Variants in MOB3B observed in about 807,000 individuals in gnomAD.
MOB3B encodes MOB kinase activator 3B.
Under a neutral mutation model 18.7 loss-of-function variants are expected in MOB3B, and 7 were observed. The observed-to-expected ratio is 0.37, with a 90% confidence interval of 0.21 to 0.70. MOB3B has a LOEUF of 0.70. Among genes scored for constraint, MOB3B ranks in the 30% least tolerant of loss-of-function variants. The pLI, the probability that MOB3B is intolerant of heterozygous loss-of-function variation, is 0.52. For missense variants in MOB3B, 253 were observed against 281.3 expected (o/e 0.90, Z 0.72); for synonymous variants, 111 against 99.9 (o/e 1.11, Z -0.66).
chr9:27,427,297 G>A (rs1049626974), intron 2 of MOB3B, among the ~76,000 whole-genome samples: 4 of 152,224 alleles, frequency 2.6e-5, no homozygotes, highest in Non-Finnish European at 5.9e-5. Flanking sequence ...AAATGTGCAA[G>A]CATTCCCAAA....
Position 27,427,317 on chromosome 9 carries a change from G to T in MOB3B, c.418+27816C>A, listed in dbSNP as rs571972903. ...TGCAAGCATTCCCAAAGAGCATCTGGTTACCTCCAAGGGAAAAAGAAATGC... is the reference window on the plus strand; with the variant it reads ...TGCAAGCATTCCCAAAGAGCATCTGTTTACCTCCAAGGGAAAAAGAAATGC... On this transcript the variant is annotated intron_variant, in intron 2 of 3. Transcript: ENST00000262244. 7.9e-5 allele frequency among the ~76,000 whole-genome samples: 12 copies of T among 152,308 alleles called. No individual in the cohort carries two copies. The South Asian group carries it at 1.4e-3, about 18-fold the overall frequency.
In MOB3B at chr9:27,513,167, TG is replaced by T. The variant is rs1399566296; in HGVS notation, c.-199+16387del. On this transcript the variant is annotated intron_variant, in intron 1 of 3. Coordinates refer to ENST00000262244, the MANE Select transcript of MOB3B (RefSeq NM_024761.5). ...TCAAATACATTATCAATGGTACTTC[TG>T]GAAAACTGCCTTTGGTGATCACAGA... Among the ~76,000 whole-genome samples, 8 of 152,358 alleles carry T rather than the reference TG, an allele frequency of 5.3e-5. No homozygotes were observed. In the South Asian group the frequency reaches 1.7e-3, roughly 32 times the overall value.
At chr9:27,438,049 A>G (rs2131429767) in intron 2 of MOB3B, among the ~76,000 whole-genome samples, 1 of 152,346 alleles carries the variant, frequency 6.6e-6, no homozygotes, top group African/African-American at 2.4e-5. Context: ...TCTCATATTT[A>G]CTAACACCAC....
chr9:27,388,294 ATGAT>A (rs1821674535), intron 2 of MOB3B, among the ~76,000 whole-genome samples: 1 of 152,144 alleles, frequency 6.6e-6, no homozygotes, highest in African/African-American at 2.4e-5. Context: ...TGATGCAGCA[ATGAT>A]TTATTACTAA....
At position 27,463,956 on chromosome 9, in the gene MOB3B, CA is replaced by C. The variant is rs556210519; in HGVS notation, c.-198-8209del. Among the ~76,000 whole-genome samples the C allele has an allele frequency of 4.2e-3, 623 of 149,452 alleles. 5 individuals carry two copies. Among genetic ancestry groups the C allele is most frequent in the African/African-American group, 0.015 (601 of 40,572 alleles). On this transcript the variant is annotated intron_variant, in intron 1 of 3. Transcript: ENST00000262244. ...TGGGCAGCAGCATGAGACCCTGTCT[CA>C]AAAAAAAGAAAAAAGAAAAAAATAA... is the stretch of plus-strand genomic sequence containing the variant.
chr9:27,461,747 C>G (rs1819291176), intron 1 of MOB3B, among the ~76,000 whole-genome samples: 1 of 152,150 alleles, frequency 6.6e-6, no homozygotes, highest in Non-Finnish European at 1.5e-5. Context: ...TAAATAGTGC[C>G]AAAATGAAAG....
chr9:27,502,213 C>G (rs1409311216), intron 1 of MOB3B, among the ~76,000 whole-genome samples: 1 of 152,206 alleles, frequency 6.6e-6, no homozygotes, highest in African/African-American at 2.4e-5. Flanking sequence ...TTCTCCATTT[C>G]AAAACCACAG....
rs139703021 is a variant in MOB3B at position 27,351,255 on chromosome 9, C to G, written c.621+7779G>C. Among the ~76,000 whole-genome samples the G allele has an allele frequency of 6.3e-3, 860 of 136,984 alleles. 6 individuals are homozygous for G. Among genetic ancestry groups the G allele is most frequent in the Admixed American group, 0.01 (144 of 13,860 alleles). The allele number at this position is 136,984 out of a possible 152,430, so 89.9% of individuals were successfully genotyped here. A position where few individuals can be genotyped will look rare whatever the true frequency, so the allele number is the denominator to read the frequency against. ...TCTCTAAGCAAAGAGAAACGGTTGT[C>G]TTGGATGAAAGATGACAGGGCTGCT... is the stretch of plus-strand genomic sequence containing the variant. On this transcript the variant is annotated intron_variant, in intron 3 of 3. Transcript: ENST00000262244.
At chr9:27,502,079 G>C (rs1838430) in intron 1 of MOB3B, among the ~76,000 whole-genome samples, 134,770 of 152,120 alleles carry the variant, frequency 0.89, 60,731 homozygotes, top group East Asian at 1. Context: ...ATATATACAC[G>C]ATCCTTCTCC....
intron 2 of MOB3B, among the ~76,000 whole-genome samples, chr9:27,392,666 A>T (rs1302756154): frequency 1.3e-5 from 2 of 152,200 alleles, no homozygotes; most frequent in Non-Finnish European, 1.5e-5. Flanking sequence ...ATTCATTTTC[A>T]TGAATGGAGC....
intron 2 of MOB3B, among the ~76,000 whole-genome samples, chr9:27,386,828 T>G (rs1821656216): frequency 6.6e-6 from 1 of 152,188 alleles, no homozygotes; most frequent in South Asian, 2.1e-4. Context: ...TATCCCTCAT[T>G]CAAGCACATT....
chr9:27,382,642 A>G (rs1351808539), intron 2 of MOB3B, among the ~76,000 whole-genome samples: 2 of 152,064 alleles, frequency 1.3e-5, no homozygotes, highest in Non-Finnish European at 2.9e-5. Flanking sequence ...TGCCCTCCCA[A>G]GGCATAATAA....
chr9:27,427,241 A>G (rs1415153108), intron 2 of MOB3B, among the ~76,000 whole-genome samples: 2 of 152,128 alleles, frequency 1.3e-5, no homozygotes, highest in East Asian at 3.9e-4. Context: ...CAACCCATAG[A>G]CTTTATGTTC....
chr9:27,473,857 A>G (rs1819511684), intron 1 of MOB3B, among the ~76,000 whole-genome samples: 1 of 152,218 alleles, frequency 6.6e-6, no homozygotes, highest in Admixed American at 6.5e-5. Flanking sequence ...ACATGTGTTC[A>G]AATTCTAACC....
intron 1 of MOB3B, among the ~76,000 whole-genome samples, chr9:27,481,489 G>C (rs1002184951): frequency 8.8e-5 from 13 of 147,682 alleles, no homozygotes; most frequent in African/African-American, 3.2e-4. Flanking sequence ...ACCTGTCTAA[G>C]GAAGGTAGTT....
intron 3 of MOB3B, among the ~76,000 whole-genome samples, chr9:27,334,136 A>G (rs532992570): frequency 6.6e-6 from 1 of 152,350 alleles, no homozygotes; most frequent in South Asian, 2.1e-4. Context: ...TTAGTATATT[A>G]ATGTATGATG....
chr9:27,443,350 G>T (rs1027923356), intron 2 of MOB3B, among the ~76,000 whole-genome samples: 3 of 152,164 alleles, frequency 2.0e-5, no homozygotes, highest in Non-Finnish European at 2.9e-5. Flanking sequence ...CTGTAGTCCA[G>T]ATCTCTATTA....
rs1820763996 is a variant in MOB3B, at chr9:27,330,028, CAGGTG to C, written c.*554_*558del. On this transcript the variant is annotated 3_prime_UTR_variant, in exon 4 of 4. Transcript: ENST00000262244. ...GAGGTGCAGGGGATGGGTAGGGGTT[CAGGTG>C]TCTCAGAGCTCCACAGCCCTGCACA... 1 of 152,260 alleles carries C rather than the reference CAGGTG, an allele frequency of 6.6e-6. No homozygotes were observed. Among genetic ancestry groups the C allele is most frequent in the Admixed American group, 6.6e-5 (1 of 15,250 alleles). The allele number at this position is 152,260 out of a possible 1,614,324, so 9.4% of individuals were successfully genotyped here.
In MOB3B at chr9:27,471,731, T is replaced by C. The variant is rs568934477; in HGVS notation, c.-198-15983A>G. Among the ~76,000 whole-genome samples, 5 of 152,252 alleles carry C rather than the reference T, an allele frequency of 3.3e-5. No homozygotes were observed. The South Asian group carries it at 1.0e-3, about 32-fold the overall frequency. On this transcript the variant is annotated intron_variant, in intron 1 of 3. Transcript: ENST00000262244. ...AGTTTGTAATATGCATTAGCTTTAATTCTTATCACTAACATCATGCTTTCT... is the reference window on the plus strand; with the variant it reads ...AGTTTGTAATATGCATTAGCTTTAACTCTTATCACTAACATCATGCTTTCT...
Sources: allele counts gnomAD v4.1 joint callset (sites outside exome capture counted in the v4.1 genomes callset), GRCh38; gene constraint gnomAD v4.1.1; transcripts MANE v1.5; gene names NCBI Gene and HGNC (gene_info 2026-07-23, HGNC 2026-07-21).